The following GAB2 variants were observed in gnomAD, a reference collection of about 807,000 sequenced individuals.
GAB2 encodes GRB2-associated-binding protein 2.
GAB2 carries 26 observed loss-of-function variants against 65.5 expected under a neutral mutation model. The observed-to-expected ratio is 0.40, with a 90% confidence interval of 0.29 to 0.55. The LOEUF (loss-of-function observed/expected upper bound fraction) is 0.55, where lower values mean the gene tolerates loss of function less well. GAB2 is among the 20% of genes least tolerant of loss of function. GAB2 has a pLI of 0.53. For missense variants in GAB2, 884 were observed against 875.8 expected, an observed-to-expected ratio of 1.01 and a Z score of -0.12; for synonymous variants, 321 against 329.6, an observed-to-expected ratio of 0.97 and a Z score of 0.28.
chr11:78,378,841 C>T (rs1226175800), intron 1 of GAB2, among the ~76,000 whole-genome samples: 1 of 152,088 alleles, frequency 6.6e-6, no homozygotes, highest in Non-Finnish European at 1.5e-5. Context: ...GGCCTTATAT[C>T]CACTTACCAT....
intron 1 of GAB2, among the ~76,000 whole-genome samples, chr11:78,371,318 T>C (rs577193900): frequency 8.5e-5 from 13 of 152,362 alleles, no homozygotes; most frequent in Admixed American, 2.0e-4. Context: ...AGTTCTGAGA[T>C]TGAAAATCCT....
rs138155998 is a variant in GAB2 at position 78,371,808 on chromosome 11, C to T, written c.75+45838G>A. On this transcript the variant is annotated intron_variant, in intron 1 of 9. Coordinates refer to ENST00000361507, the MANE Select transcript of GAB2 (RefSeq NM_080491.3). ...TTCTAAACATAGTCTGACAGCTGTA[C>T]CGGCCAGAAAGGTAGAAAAAAAATA... Among the ~76,000 whole-genome samples the T allele has an allele frequency of 2.1e-3, 326 of 152,200 alleles. 1 individual carries two copies. The highest frequency in any genetic ancestry group is 7.2e-3 in the African/African-American group (299 of 41,510).
intron 1 of GAB2, among the ~76,000 whole-genome samples, chr11:78,372,646 T>C: frequency 6.6e-6 from 1 of 152,176 alleles, no homozygotes; most frequent in East Asian, 1.9e-4. Context: ...GCAATCTAAG[T>C]GGCTGTCCTG....
chr11:78,265,029 C>G (rs923411797), intron 2 of GAB2, among the ~76,000 whole-genome samples: 3 of 151,998 alleles, frequency 2.0e-5, no homozygotes, highest in African/African-American at 7.2e-5. Flanking sequence ...GATTCTTAAT[C>G]TTCATAATAA....
At chr11:78,256,739 A>G (rs1565128895) in intron 2 of GAB2, among the ~76,000 whole-genome samples, 2 of 152,282 alleles carry the variant, frequency 1.3e-5, no homozygotes, top group South Asian at 4.1e-4. Context: ...AAGCAAATCC[A>G]TGCACATGCA....
At chr11:78,231,308 C>T (rs1029045289) in intron 3 of GAB2, among the ~76,000 whole-genome samples, 3 of 150,206 alleles carry the variant, frequency 2.0e-5, no homozygotes, top group Non-Finnish European at 4.4e-5. Flanking sequence ...CATACAGTCT[C>T]TCCCTTGGTG....
rs556519226 is a variant in GAB2, at chr11:78,394,451, G to C, written c.75+23195C>G. On this transcript the variant is annotated intron_variant, in intron 1 of 9. Transcript: ENST00000361507. ...CCTACTATAATGTGCTGTATTTTGGGGTGGTCCTCTCCCTACCCCACGGTG... is the reference window on the plus strand; with the variant it reads ...CCTACTATAATGTGCTGTATTTTGGCGTGGTCCTCTCCCTACCCCACGGTG... Among the ~76,000 whole-genome samples the C allele has an allele frequency of 1.8e-4, 28 of 152,282 alleles. No homozygotes were observed. The East Asian group carries it at 5.2e-3, about 28-fold the overall frequency.
At chr11:78,254,321 GA>G (rs1865536734) in intron 2 of GAB2, among the ~76,000 whole-genome samples, 1 of 152,078 alleles carries the variant, frequency 6.6e-6, no homozygotes, top group South Asian at 2.1e-4. Flanking sequence ...AAAAATAAAA[GA>G]ATTTTCCCTG....
chr11:78,399,544 C>T (rs1298911147), intron 1 of GAB2, among the ~76,000 whole-genome samples: 2 of 152,190 alleles, frequency 1.3e-5, no homozygotes, highest in African/African-American at 4.8e-5. Context: ...TTTAATTTCC[C>T]TTCCATGAGA....
At chr11:78,357,586 C>T (rs1257347537) in intron 1 of GAB2, among the ~76,000 whole-genome samples, 1 of 152,136 alleles carries the variant, frequency 6.6e-6, no homozygotes, top group Non-Finnish European at 1.5e-5. Flanking sequence ...CAAACAACCC[C>T]ATCAAAAACT....
chr11:78,223,745 T>C, intron 5 of GAB2, 69 bp from the exon 6 acceptor site: 1 of 1,335,134 alleles, frequency 7.5e-7, no homozygotes. Context: ...GGGTAAGACT[T>C]TGTAAATGAG....
chr11:78,356,979 C>T (rs1856367784), intron 1 of GAB2, among the ~76,000 whole-genome samples: 1 of 152,064 alleles, frequency 6.6e-6, no homozygotes, highest in Non-Finnish European at 1.5e-5. Context: ...ACAATGGTTG[C>T]CAGGGATTAG....
chr11:78,313,816 A>G (rs1420103145), intron 1 of GAB2, among the ~76,000 whole-genome samples: 1 of 152,246 alleles, frequency 6.6e-6, no homozygotes, highest in Non-Finnish European at 1.5e-5. Context: ...CATTTATCAC[A>G]CAAGTGCCCT....
At chr11:78,403,802 C>T (rs997726278) in intron 1 of GAB2, among the ~76,000 whole-genome samples, 2 of 152,170 alleles carry the variant, frequency 1.3e-5, no homozygotes, top group Non-Finnish European at 2.9e-5. Context: ...GAAGAAACAA[C>T]TCACAGAATG....
At chr11:78,266,501 T>C (rs1267585252) in intron 2 of GAB2, among the ~76,000 whole-genome samples, 2 of 152,220 alleles carry the variant, frequency 1.3e-5, no homozygotes, top group Non-Finnish European at 2.9e-5. Context: ...CCGGAGTTGA[T>C]TAAAACTTAC....
chr11:78,250,486 G>T lies in GAB2; in HGVS notation c.377-86C>A, dbSNP rs574425339. ...TGAGTTGTCAGAGGAAGAAAAAAGA[G>T]TAAGAGCAGAGAAAATAATCCAGCA... On this transcript the variant is annotated intron_variant, in intron 2 of 9. Transcript: ENST00000361507. 316 of 1,229,586 alleles carry T rather than the reference G, an allele frequency of 2.6e-4. 1 individual carries two copies. In the African/African-American group the frequency reaches 4.2e-3, roughly 16 times the overall value. The allele number at this position is 1,229,586 out of a possible 1,614,324, so 76.2% of individuals were successfully genotyped here.
intron 1 of GAB2, among the ~76,000 whole-genome samples, chr11:78,333,617 A>T (rs371916479): frequency 2.0e-5 from 3 of 152,316 alleles, no homozygotes; most frequent in African/African-American, 4.8e-5. Context: ...AGACAGACTG[A>T]AAAACAAAAT....
Position 78,217,367 on chromosome 11 carries a change from A to G in GAB2, c.*1905T>C, listed in dbSNP as rs2134443993. On this transcript the variant is annotated 3_prime_UTR_variant, in exon 10 of 10. Coordinates refer to ENST00000361507, the MANE Select transcript of GAB2 (RefSeq NM_080491.3). ...TAATAAATACTCCTTGAGTTGATCT[A>G]AACTAATGCTAGGAGGAGAGGTGCA... is the stretch of plus-strand genomic sequence containing the variant. The G allele has an allele frequency of 6.6e-6, 1 of 152,326 alleles. No homozygotes were observed. Among genetic ancestry groups the G allele is most frequent in the East Asian group, 1.9e-4 (1 of 5,166 alleles). 9.4% of individuals were successfully genotyped at this position (152,326 alleles called of 1,614,324 possible). A position where few individuals can be genotyped will look rare whatever the true frequency, so the allele number is the denominator to read the frequency against.
intron 2 of GAB2, among the ~76,000 whole-genome samples, chr11:78,256,115 A>T (rs1865588669): frequency 6.6e-6 from 1 of 152,232 alleles, no homozygotes; most frequent in South Asian, 2.1e-4. Context: ...TTATAGATGA[A>T]TGTCCATATC....
Sources: allele counts gnomAD v4.1 joint callset (sites outside exome capture counted in the v4.1 genomes callset), GRCh38; gene constraint gnomAD v4.1.1; transcripts MANE v1.5; gene names NCBI Gene and HGNC (gene_info 2026-07-23, HGNC 2026-07-21).